CHRNA9: variants seen among roughly 807,000 people sequenced by gnomAD.
CHRNA9 encodes the protein neuronal acetylcholine receptor subunit alpha-9.
A neutral mutation model predicts 36.8 loss-of-function variants in CHRNA9; 24 were observed. The ratio of observed to expected loss-of-function variants is 0.65; its 90% CI spans 0.47 to 0.92. The LOEUF is 0.92. CHRNA9 is among the 40% of genes least tolerant of loss of function. The pLI is 0.00. For synonymous variants in CHRNA9, 231 were observed against 231.8 expected, an observed-to-expected ratio of 1.00 and a Z score of 0.03; for missense variants, 610 against 601.2, an observed-to-expected ratio of 1.01 and a Z score of -0.15.
intron 3 of CHRNA9, among the ~76,000 whole-genome samples, chr4:40,337,867 C>T (rs1712372830): frequency 1.3e-5 from 2 of 152,136 alleles, no homozygotes; most frequent in Non-Finnish European, 1.5e-5. Flanking sequence ...TGGCATTCTC[C>T]TGTGTGTTCC....
At chr4:40,339,075 C>T (rs1001299628) in intron 3 of CHRNA9, among the ~76,000 whole-genome samples, 2 of 151,622 alleles carry the variant, frequency 1.3e-5, no homozygotes, top group Non-Finnish European at 2.9e-5. Flanking sequence ...GTCAGGAGTT[C>T]GAGAACAGCC....
intron 3 of CHRNA9, among the ~76,000 whole-genome samples, chr4:40,337,894 C>T (rs186829921): frequency 2.0e-4 from 30 of 152,278 alleles, no homozygotes; most frequent in Admixed American, 2.0e-3. Context: ...CCAAATTTCC[C>T]CTTTCTATAA....
intron 3 of CHRNA9, chr4:40,347,794 T>C (rs1296920447): frequency 6.6e-6 from 1 of 152,174 alleles, no homozygotes; most frequent in Non-Finnish European, 1.5e-5. Flanking sequence ...CAGGATCCAA[T>C]CCAGAATACC....
intron 4 of CHRNA9, among the ~76,000 whole-genome samples, chr4:40,353,536 C>T (rs1284506912): frequency 6.6e-6 from 1 of 151,950 alleles, no homozygotes; most frequent in Admixed American, 6.6e-5. Context: ...GGGTATAACA[C>T]CTCCTTAGAA....
chr4:40,348,938 G>C lies in CHRNA9; in HGVS notation c.422G>C (p.Gly141Ala). The change falls in exon 4 of 5, where the codon GGG (glycine) becomes GCG (alanine). Residue 141 changes from glycine (G) to alanine (A), a missense_variant. Gly to Ala is a moderately conservative substitution (Grantham distance 60). Transcript: ENST00000310169. Reference sequence around the variant, plus strand: ...ACCAATGTGGTCCTGCGGTATGATGGGCTGATCACCTGGGATGCACCGGCC... The same window carrying C: ...ACCAATGTGGTCCTGCGGTATGATGCGCTGATCACCTGGGATGCACCGGCC... ...VNTNVVLRYD[G>A]LITWDAPAIT... The C allele has an allele frequency of 6.2e-7, 1 of 1,614,140 alleles. No homozygotes were observed. Among genetic ancestry groups the C allele is most frequent in the Non-Finnish European group, 8.5e-7 (1 of 1,180,012 alleles).
In CHRNA9 at chr4:40,337,360, A is replaced by G; in HGVS notation, c.361A>G (p.Asn121Asp). ...GTGGAGGCCAGACATCGTCTTATAT[A>G]ACAAGTAAGTGCAGCTCAGAACTGA... The part of the protein sequence containing the change: ...LVWRPDIVLY[N>D]KADDESSEPV... The change falls in exon 3 of 5, where the codon AAC becomes GAC. Residue 121 changes from asparagine (N) to aspartate (D), a missense_variant. Transcript: ENST00000310169. 1.2e-6 allele frequency: 2 copies of G among 1,613,922 alleles called. No homozygotes were observed. The highest frequency in any genetic ancestry group is 1.7e-6 in the Non-Finnish European group (2 of 1,179,774).
chr4:40,344,637 G>A (rs938436930), intron 3 of CHRNA9, among the ~76,000 whole-genome samples: 1 of 151,972 alleles, frequency 6.6e-6, no homozygotes, highest in Admixed American at 6.6e-5. Context: ...GAAGCCTTAA[G>A]GTATTATAAT....
chr4:40,337,769 C>G (rs1712370528), intron 3 of CHRNA9, among the ~76,000 whole-genome samples: 1 of 152,152 alleles, frequency 6.6e-6, no homozygotes, highest in African/African-American at 2.4e-5. Context: ...TACCAGGCCT[C>G]TCTTCTAGCT....
At position 40,349,021 on chromosome 4, in the gene CHRNA9, T is replaced by C. The variant is rs139146872; in HGVS notation, c.505T>C (p.Cys169Arg). 1.1e-4 allele frequency: 172 copies of C among 1,614,196 alleles called. No homozygotes were observed. Among genetic ancestry groups the C allele is most frequent in the Non-Finnish European group, 1.3e-4 (156 of 1,180,030 alleles). ...VTYFPFDNQQCNLTFGSWTYN... is the reference protein window; with the variant it reads ...VTYFPFDNQQRNLTFGSWTYN... Reference sequence around the variant, plus strand: ...CTACTTCCCTTTTGACAACCAGCAGTGCAACCTGACTTTTGGTTCCTGGAC... The same window carrying C: ...CTACTTCCCTTTTGACAACCAGCAGCGCAACCTGACTTTTGGTTCCTGGAC... The change falls in exon 4 of 5, where the codon TGC (cysteine) becomes CGC (arginine). Residue 169 changes from cysteine (C) to arginine (R), a missense_variant. By Grantham distance (180) the Cys-to-Arg change is radical. Coordinates refer to ENST00000310169, the MANE Select transcript of CHRNA9 (RefSeq NM_017581.4).
At chr4:40,347,630 A>G (rs1041481566) in intron 3 of CHRNA9, among the ~76,000 whole-genome samples, 4 of 152,198 alleles carry the variant, frequency 2.6e-5, no homozygotes, top group Non-Finnish European at 1.5e-5. Flanking sequence ...AGTTGCAAAG[A>G]TAGTGCAGAA....
At chr4:40,343,200 C>T (rs1712549400) in intron 3 of CHRNA9, among the ~76,000 whole-genome samples, 1 of 152,150 alleles carries the variant, frequency 6.6e-6, no homozygotes, top group Non-Finnish European at 1.5e-5. Flanking sequence ...AAAGTTAGCT[C>T]AGTCTTTGAT....
At chr4:40,336,439 C>T (rs543773048) in intron 2 of CHRNA9, among the ~76,000 whole-genome samples, 151 of 152,144 alleles carry the variant, frequency 9.9e-4, no homozygotes, top group African/African-American at 3.4e-3. Flanking sequence ...GCATTGTTCC[C>T]TTCGAAAATG....
chr4:40,335,813 C>T lies in CHRNA9; in HGVS notation c.65-14C>T, dbSNP rs748278341. The T allele has an allele frequency of 6.2e-6, 10 of 1,609,570 alleles. No individual in the cohort carries two copies. Among genetic ancestry groups the T allele is most frequent in the Admixed American group, 1.7e-5 (1 of 59,832 alleles). On this transcript the variant is annotated splice_polypyrimidine_tract_variant and intron_variant, in intron 1 of 4. Coordinates refer to ENST00000310169, the MANE Select transcript of CHRNA9 (RefSeq NM_017581.4). ...ACACTCTGAATGTTAATCCAGATCC[C>T]TCTTGTTGAGTAGCTGCAGAGACGG... is the stretch of plus-strand genomic sequence containing the variant.
chr4:40,353,967 T>C lies in CHRNA9; in HGVS notation c.899-12T>C, dbSNP rs775907106. The C allele has an allele frequency of 6.4e-7, 1 of 1,572,330 alleles. No homozygotes were observed. Among genetic ancestry groups the C allele is most frequent in the South Asian group, 1.2e-5 (1 of 86,428 alleles). ...AAAGCAAATTCAGTTACGGTTGTTA[T>C]TTTAATTCCAGGTAAATACTACATA... On this transcript the variant is annotated splice_polypyrimidine_tract_variant and intron_variant, in intron 4 of 4. Coordinates refer to ENST00000310169, the MANE Select transcript of CHRNA9 (RefSeq NM_017581.4).
chr4:40,337,915 C>T (rs1712374493), intron 3 of CHRNA9: 1 of 152,448 alleles, frequency 6.6e-6, no homozygotes, highest in African/African-American at 2.4e-5. Context: ...GGACACCAGC[C>T]ATATTGGATT....
intron 3 of CHRNA9, among the ~76,000 whole-genome samples, chr4:40,347,017 C>G (rs1712655160): frequency 6.6e-6 from 1 of 151,990 alleles, no homozygotes; most frequent in Non-Finnish European, 1.5e-5. Context: ...TTTGCCATGT[C>G]AGTCAGGCAG....
chr4:40,354,608 T>A lies in CHRNA9; in HGVS notation c.*88T>A. ...TGTTCTTCCAAGATTTTTGTTCATCTATAATTTAGGGGTTATGTTGTCTGT... is the reference window on the plus strand; with the variant it reads ...TGTTCTTCCAAGATTTTTGTTCATCAATAATTTAGGGGTTATGTTGTCTGT... On this transcript the variant is annotated 3_prime_UTR_variant, in exon 5 of 5. Transcript: ENST00000310169. 8.9e-7 allele frequency: 1 copy of A among 1,128,956 alleles called. No homozygotes were observed. Among genetic ancestry groups the A allele is most frequent in the Non-Finnish European group, 1.3e-6 (1 of 785,662 alleles). 69.9% of individuals were successfully genotyped at this position (1,128,956 alleles called of 1,614,324 possible).
intron 4 of CHRNA9, among the ~76,000 whole-genome samples, chr4:40,352,561 C>G (rs1226583796): frequency 1.3e-5 from 2 of 152,130 alleles, no homozygotes; most frequent in Non-Finnish European, 2.9e-5. Context: ...TTTTATAAGT[C>G]TTTTCCATCT....
Position 40,354,545 on chromosome 4 carries a change from G to A in CHRNA9, c.*25G>A. Reference sequence around the variant, plus strand: ...GTCACAGATATTGGCTTTGCTATCTGGGTAGAAATTAATACAATTCCCTGT... The same window carrying A: ...GTCACAGATATTGGCTTTGCTATCTAGGTAGAAATTAATACAATTCCCTGT... On this transcript the variant is annotated 3_prime_UTR_variant, in exon 5 of 5. Coordinates refer to ENST00000310169, the MANE Select transcript of CHRNA9 (RefSeq NM_017581.4). 1 of 1,552,914 alleles carries A rather than the reference G, an allele frequency of 6.4e-7. No homozygotes were observed. The highest frequency in any genetic ancestry group is 1.4e-5 in the African/African-American group (1 of 73,498).
Sources: gnomAD v4.1 joint callset for allele counts (sites outside exome capture counted in the v4.1 genomes callset) on GRCh38, gnomAD v4.1.1 for gene constraint, MANE v1.5 for transcripts, NCBI Gene and HGNC (gene_info 2026-07-23, HGNC 2026-07-21) for gene names.